Variants in MAP2K5 observed in about 807,000 individuals in gnomAD.
MAP2K5 encodes the protein mitogen-activated protein kinase kinase 5.
In MAP2K5, 49 loss-of-function variants were observed where a neutral mutation model predicts 83.1. The observed-to-expected ratio is 0.59, with a 90% CI of 0.47 to 0.75. The LOEUF is 0.75. MAP2K5 is among the 30% of genes least tolerant of loss of function. The probability of loss-of-function intolerance (pLI) is 0.00; values close to 1 mark genes in which losing one functional copy is unlikely to be tolerated. For missense variants in MAP2K5, 457 were observed against 557.5 expected (o/e 0.82, Z 1.82); for synonymous variants, 202 against 191.8 (o/e 1.05, Z -0.44).
chr15:67,792,177 G>T (rs2141333757), intron 21 of MAP2K5, among the ~76,000 whole-genome samples: 2 of 152,246 alleles, frequency 1.3e-5, no homozygotes, highest in South Asian at 4.1e-4. Flanking sequence ...GAGTTGGTCT[G>T]GTGGAAAGAA....
Position 67,579,698 on chromosome 15 carries a change from GA to G in MAP2K5, c.253-1046del, listed in dbSNP as rs751476091. On this transcript the variant is annotated intron_variant, in intron 3 of 21. Coordinates refer to ENST00000178640, the MANE Select transcript of MAP2K5 (RefSeq NM_145160.3). ...TATAGCTCCCCTTTATTTTCAAGAG[GA>G]AAAAAAAAACCCTTGCTCTTGTAAT... Among the ~76,000 whole-genome samples, 1,219 of 142,092 alleles carry G rather than the reference GA, an allele frequency of 8.6e-3. 41 individuals carry two copies. The highest frequency in any genetic ancestry group is 0.065 in the Admixed American group (938 of 14,462). The allele number at this position is 142,092 out of a possible 152,430, so 93.2% of individuals were successfully genotyped here.
chr15:67,664,690 T>A, intron 13 of MAP2K5, 45 bp downstream of exon 13: 1 of 1,295,630 alleles, frequency 7.7e-7, no homozygotes, highest in Non-Finnish European at 1.1e-6. Flanking sequence ...GGGGTGGGGT[T>A]GGGTCTCTCC....
Position 67,806,648 on chromosome 15 carries a change from C to CCA in MAP2K5, c.1247_1248dup (p.Pro417ThrfsTer40). The CCA allele has an allele frequency of 6.5e-7, 1 of 1,550,166 alleles. No individual in the cohort carries two copies. The highest frequency in any genetic ancestry group is 8.7e-7 in the Non-Finnish European group (1 of 1,146,786). On this transcript the variant is annotated frameshift_variant, in exon 22 of 22. Coordinates refer to ENST00000178640, the MANE Select transcript of MAP2K5 (RefSeq NM_145160.3). LOFTEE classifies it high-confidence loss of function. ...CAGCCTCCTCCTCTTCCCCGCAGGG[C>CCA]CACCCGTTCATCGTGCAGTTCAATG...
intron 6 of MAP2K5, among the ~76,000 whole-genome samples, chr15:67,589,355 T>C (rs537815598): frequency 6.6e-6 from 1 of 152,340 alleles, no homozygotes; most frequent in South Asian, 2.1e-4. Context: ...ATGGGTTGTT[T>C]TTTCTTTTGC....
chr15:67,752,297 C>T (rs1360695991), intron 19 of MAP2K5, among the ~76,000 whole-genome samples: 2 of 151,752 alleles, frequency 1.3e-5, no homozygotes, highest in African/African-American at 2.4e-5. Context: ...GAACTCCTGA[C>T]CTCAAGTGAT....
At chr15:67,647,681 C>G (rs1244088632) in intron 11 of MAP2K5, among the ~76,000 whole-genome samples, 1 of 151,982 alleles carries the variant, frequency 6.6e-6, no homozygotes, top group African/African-American at 2.4e-5. Context: ...ACCAGCCTAA[C>G]CAACATGGCG....
chr15:67,551,665 G>A (rs1313012759), intron 2 of MAP2K5, among the ~76,000 whole-genome samples: 2 of 152,034 alleles, frequency 1.3e-5, no homozygotes, highest in African/African-American at 4.8e-5. Context: ...TTTGGAGATA[G>A]GGTCTCACTC....
chr15:67,586,021 T>G, intron 5 of MAP2K5, 91 bp downstream of exon 5: 1 of 1,169,110 alleles, frequency 8.6e-7, no homozygotes, highest in Non-Finnish European at 1.3e-6. Flanking sequence ...CTGCACTTTC[T>G]CAAGCTCTGA....
chr15:67,602,377 A>C (rs2085677915), intron 8 of MAP2K5, among the ~76,000 whole-genome samples: 1 of 152,206 alleles, frequency 6.6e-6, no homozygotes, highest in African/African-American at 2.4e-5. Flanking sequence ...AGCCAAATAT[A>C]ATAAAACAGG....
At chr15:67,551,495 G>T (rs57683950) in intron 2 of MAP2K5, among the ~76,000 whole-genome samples, 23,878 of 151,920 alleles carry the variant, frequency 0.16, 2,541 homozygotes, top group African/African-American at 0.29. Context: ...ACTATGCTTG[G>T]CTAATTTTTA....
In MAP2K5 at chr15:67,779,371, T is replaced by G. The variant is rs536293443; in HGVS notation, c.1242+6619T>G. On this transcript the variant is annotated intron_variant, in intron 21 of 21. Transcript: ENST00000178640. The surrounding 1 kb of genome is among the most constrained non-coding windows in gnomAD (Gnocchi z 4.6). ...TTGAGATCGCACTAAATCAGACAGCTTTAATTTGAATTTTTGATGACACAT... is the reference window on the plus strand; with the variant it reads ...TTGAGATCGCACTAAATCAGACAGCGTTAATTTGAATTTTTGATGACACAT... 8.5e-5 allele frequency among the ~76,000 whole-genome samples: 13 copies of G among 152,318 alleles called. No individual in the cohort carries two copies. The East Asian group carries it at 2.5e-3, about 29-fold the overall frequency.
intron 21 of MAP2K5, among the ~76,000 whole-genome samples, chr15:67,776,700 G>T (rs1258604760): frequency 2.6e-5 from 4 of 152,168 alleles, no homozygotes; most frequent in African/African-American, 7.2e-5. Flanking sequence ...AATAAAAGGG[G>T]TATGTGAGAT....
At chr15:67,569,005 C>CAAAAAAAAAAAAAAAAA in intron 3 of MAP2K5, among the ~76,000 whole-genome samples, 1 of 91,206 alleles carries the variant, frequency 1.1e-5, no homozygotes, top group Non-Finnish European at 2.2e-5. Flanking sequence ...GACTCCATCT[C>CAAAAAAAAAAAAAAAAA]AAAAAAAAAA....
chr15:67,784,863 A>G (rs2090389999), intron 21 of MAP2K5, among the ~76,000 whole-genome samples: 1 of 152,196 alleles, frequency 6.6e-6, no homozygotes, highest in African/African-American at 2.4e-5. Context: ...CTTTAACTCA[A>G]CAAACTTTTT....
chr15:67,601,524 G>A (rs568348500), intron 8 of MAP2K5, among the ~76,000 whole-genome samples: 4 of 152,172 alleles, frequency 2.6e-5, no homozygotes, highest in Non-Finnish European at 5.9e-5. Context: ...CAGAGAGCTG[G>A]TTTTCCATGT....
chr15:67,684,726 A>G (rs2141190054), intron 13 of MAP2K5, among the ~76,000 whole-genome samples: 1 of 152,356 alleles, frequency 6.6e-6, no homozygotes, highest in Admixed American at 6.5e-5. Context: ...CAAGGAATTC[A>G]TAGGAAACAT....
At chr15:67,554,668 G>A (rs1328257055) in intron 2 of MAP2K5, among the ~76,000 whole-genome samples, 1 of 152,040 alleles carries the variant, frequency 6.6e-6, no homozygotes, top group African/African-American at 2.4e-5. Flanking sequence ...CTGCCTTCTG[G>A]TGTGTGTGTG....
intron 17 of MAP2K5, among the ~76,000 whole-genome samples, chr15:67,743,741 A>G (rs935136105): frequency 6.6e-6 from 1 of 152,222 alleles, no homozygotes; most frequent in Non-Finnish European, 1.5e-5. Flanking sequence ...GCACAGTGCC[A>G]GATAAAATTA....
At chr15:67,721,264 A>G (rs185383025) in intron 16 of MAP2K5, among the ~76,000 whole-genome samples, 1 of 152,170 alleles carries the variant, frequency 6.6e-6, no homozygotes, top group East Asian at 1.9e-4. Context: ...GAACCTTCTG[A>G]ATGGTAGATA....
Sources: gnomAD v4.1 joint callset for allele counts (sites outside exome capture counted in the v4.1 genomes callset) on GRCh38, gnomAD v4.1.1 for gene constraint, Gnocchi (gnomAD v3.1) non-coding constraint, MANE v1.5 for transcripts, NCBI Gene and HGNC (gene_info 2026-07-23, HGNC 2026-07-21) for gene names.